The following TMPRSS15 variants were observed in gnomAD, a reference collection of about 807,000 sequenced individuals.
The protein encoded by TMPRSS15 is transmembrane serine protease 15.
Under a neutral mutation model 125.3 loss-of-function variants are expected in TMPRSS15, and 128 were observed. The ratio of observed to expected loss-of-function variants is 1.02; its 90% CI spans 0.89 to 1.18. The LOEUF is 1.18. Ranked by LOEUF, TMPRSS15 falls within the 50% of genes most tolerant of loss-of-function variation. The pLI is 0.00. For synonymous variants in TMPRSS15, 446 were observed against 423.2 expected (o/e 1.05, Z -0.66); for missense variants, 1,283 against 1,212.7 (o/e 1.06, Z -0.86).
intron 14 of TMPRSS15, among the ~76,000 whole-genome samples, chr21:18,331,349 C>T (rs751666588): frequency 1.3e-5 from 2 of 152,096 alleles, no homozygotes; most frequent in African/African-American, 2.4e-5. Flanking sequence ...TAACAAGGCA[C>T]GACCATGGAA....
chr21:18,395,678 AT>A (rs1258316595), intron 3 of TMPRSS15, among the ~76,000 whole-genome samples: 1 of 152,096 alleles, frequency 6.6e-6, no homozygotes, highest in Non-Finnish European at 1.5e-5. Context: ...AAACATCTGA[AT>A]TTTTTTAGTG....
intron 5 of TMPRSS15, among the ~76,000 whole-genome samples, chr21:18,376,851 G>A (rs2075849572): frequency 6.6e-6 from 1 of 152,104 alleles, no homozygotes; most frequent in Non-Finnish European, 1.5e-5. Context: ...AATCCTCATG[G>A]ACTTTGTACC....
At chr21:18,445,987 G>A (rs1167630896) in intron 1 of TMPRSS15, among the ~76,000 whole-genome samples, 2 of 152,094 alleles carry the variant, frequency 1.3e-5, no homozygotes, top group Non-Finnish European at 2.9e-5. Context: ...GAAATAAAGG[G>A]CATCCAAATT....
intron 18 of TMPRSS15, among the ~76,000 whole-genome samples, chr21:18,303,968 G>C (rs565631488): frequency 1.3e-5 from 2 of 152,312 alleles, no homozygotes; most frequent in South Asian, 4.1e-4. Context: ...CAAATGCTTA[G>C]TAGGAGAAAG....
intron 1 of TMPRSS15, among the ~76,000 whole-genome samples, chr21:18,412,973 T>C (rs904432137): frequency 5.9e-5 from 9 of 152,308 alleles, no homozygotes; most frequent in African/African-American, 2.2e-4. Context: ...ATAAATATAA[T>C]TGTGGTGGTG....
At chr21:18,465,202 A>G (rs1978635363) in intron 1 of TMPRSS15, among the ~76,000 whole-genome samples, 1 of 151,704 alleles carries the variant, frequency 6.6e-6, no homozygotes, top group Non-Finnish European at 1.5e-5. Context: ...CTTGAATAAA[A>G]TTCAACACCC....
chr21:18,294,359 A>C lies in TMPRSS15; in HGVS notation c.2397T>G (p.Val799=), dbSNP rs761304640. The part of the protein sequence containing the change: ...SNAKEGAWPW[V]VGLYYGGRLL... Reference sequence around the variant, plus strand: ...GTCGGCCGCCATAATACAGACCCACAACCCAGGGCCAGGCCCCTTCTTTGG... The same window carrying C: ...GTCGGCCGCCATAATACAGACCCACCACCCAGGGCCAGGCCCCTTCTTTGG... Residue 799 remains valine (V), a synonymous_variant, in exon 21 of 25, where the codon GTT becomes GTG. Coordinates refer to ENST00000284885, the MANE Select transcript of TMPRSS15 (RefSeq NM_002772.3). 1 of 1,614,254 alleles carries C rather than the reference A, an allele frequency of 6.2e-7. No individual in the cohort carries two copies. The highest frequency in any genetic ancestry group is 1.3e-5 in the African/African-American group (1 of 75,072).
chr21:18,325,070 C>T (rs554545096), intron 16 of TMPRSS15, among the ~76,000 whole-genome samples: 10 of 151,382 alleles, frequency 6.6e-5, no homozygotes, highest in South Asian at 6.2e-4. Context: ...GTTAAATTCT[C>T]GCCACACACA....
chr21:18,341,267 C>A, intron 13 of TMPRSS15, 146 bp downstream of exon 13: 1 of 931,202 alleles, frequency 1.1e-6, no homozygotes, highest in South Asian at 1.5e-5. Context: ...GACAGAGTCT[C>A]GCTGTAATCC....
intron 21 of TMPRSS15, among the ~76,000 whole-genome samples, chr21:18,294,017 G>C (rs768521384): frequency 6.6e-6 from 1 of 152,162 alleles, no homozygotes; most frequent in African/African-American, 2.4e-5. Flanking sequence ...GTATGTAAAA[G>C]TGTAAAAAGA....
At chr21:18,274,492 TG>T (rs1338831436) in intron 24 of TMPRSS15, among the ~76,000 whole-genome samples, 3 of 152,188 alleles carry the variant, frequency 2.0e-5, no homozygotes, top group Admixed American at 6.5e-5. Flanking sequence ...AGTTACTACG[TG>T]GGTAAGAGTT....
chr21:18,428,222 A>C (rs2076207841), intron 1 of TMPRSS15, among the ~76,000 whole-genome samples: 1 of 152,184 alleles, frequency 6.6e-6, no homozygotes, highest in Non-Finnish European at 1.5e-5. Context: ...TTCAAATTTG[A>C]CTGTGGAGTC....
At chr21:18,476,225 C>A (rs571136795) in intron 1 of TMPRSS15, among the ~76,000 whole-genome samples, 1 of 152,066 alleles carries the variant, frequency 6.6e-6, no homozygotes, top group Non-Finnish European at 1.5e-5. Context: ...TTTAGAATAT[C>A]CTGAGAAATG....
At chr21:18,272,335 T>TC (rs2074567843) in intron 24 of TMPRSS15, among the ~76,000 whole-genome samples, 1 of 152,104 alleles carries the variant, frequency 6.6e-6, no homozygotes, top group Admixed American at 6.5e-5. Context: ...AGTTTTTTTT[T>TC]CACATTTGTT....
intron 7 of TMPRSS15, among the ~76,000 whole-genome samples, chr21:18,361,937 G>A (rs2075682941): frequency 6.6e-6 from 1 of 152,026 alleles, no homozygotes; most frequent in Admixed American, 6.6e-5. Flanking sequence ...CTGAGTATCA[G>A]ATTCAGCAGT....
At chr21:18,340,173 C>G (rs2075432785) in intron 13 of TMPRSS15, among the ~76,000 whole-genome samples, 1 of 152,134 alleles carries the variant, frequency 6.6e-6, no homozygotes, top group South Asian at 2.1e-4. Flanking sequence ...AAGGCCGACC[C>G]ACTCTCAGTC....
chr21:18,409,931 C>G (rs1245490509), intron 1 of TMPRSS15, among the ~76,000 whole-genome samples: 8 of 135,938 alleles, frequency 5.9e-5, no homozygotes, highest in Non-Finnish European at 9.4e-5. Context: ...TCCTTCCTTC[C>G]TTTCTTCCTT....
At chr21:18,401,077 C>A (rs965514027) in intron 1 of TMPRSS15, among the ~76,000 whole-genome samples, 2 of 152,064 alleles carry the variant, frequency 1.3e-5, no homozygotes, top group African/African-American at 4.8e-5. Context: ...AATCGAAAAA[C>A]AACAGATGTT....
At chr21:18,346,264 A>G (rs2075507768) in intron 10 of TMPRSS15, among the ~76,000 whole-genome samples, 1 of 152,198 alleles carries the variant, frequency 6.6e-6, no homozygotes, top group South Asian at 2.1e-4. Flanking sequence ...AATTTCATCT[A>G]TAACATTTTG....
Sources: allele counts gnomAD v4.1 joint callset (sites outside exome capture counted in the v4.1 genomes callset), GRCh38; gene constraint gnomAD v4.1.1; transcripts MANE v1.5; gene names NCBI Gene and HGNC (gene_info 2026-07-23, HGNC 2026-07-21).